The following SNX29 variants were observed in gnomAD, a reference collection of about 807,000 sequenced individuals.
SNX29 encodes sorting nexin 29.
In SNX29, 78 loss-of-function variants were observed where a neutral mutation model predicts 102.1. The observed-to-expected ratio is 0.76, with a 90% CI of 0.64 to 0.92. The LOEUF (loss-of-function observed/expected upper bound fraction) is 0.92, where lower values mean the gene tolerates loss of function less well. Among genes scored for constraint, SNX29 ranks in the 40% least tolerant of loss-of-function variants. The pLI is 0.00. For missense variants in SNX29, 1,280 were observed against 1,061.7 expected (o/e 1.21, Z -2.86); for synonymous variants, 580 against 414.5 (o/e 1.40, Z -4.85).
chr16:12,401,939 C>G lies in SNX29; in HGVS notation c.1956-1509C>G, dbSNP rs118159540. 1.5e-3 allele frequency among the ~76,000 whole-genome samples: 229 copies of G among 152,294 alleles called. 10 individuals carry two copies. In the East Asian group the frequency reaches 0.039, roughly 26 times the overall value. On this transcript the variant is annotated intron_variant, in intron 17 of 20. Transcript: ENST00000566228. ...ACCATTTAACCCAGGCTGGGGTAACCTCGCTCTAACCCTGGGAGGTTGTCC... is the reference window on the plus strand; with the variant it reads ...ACCATTTAACCCAGGCTGGGGTAACGTCGCTCTAACCCTGGGAGGTTGTCC...
intron 13 of SNX29, among the ~76,000 whole-genome samples, chr16:12,155,693 G>C (rs2055518041): frequency 6.6e-6 from 1 of 152,166 alleles, no homozygotes; most frequent in African/African-American, 2.4e-5. Context: ...AAATGAAAGG[G>C]GTAGATGCAG....
intron 16 of SNX29, among the ~76,000 whole-genome samples, chr16:12,390,970 G>A (rs971230762): frequency 5.3e-5 from 8 of 152,136 alleles, no homozygotes; most frequent in African/African-American, 1.7e-4. Context: ...TTTCGAGATG[G>A]GGTCTCACTC....
At chr16:12,368,379 A>G (rs1293266553) in intron 16 of SNX29, among the ~76,000 whole-genome samples, 5 of 152,252 alleles carry the variant, frequency 3.3e-5, no homozygotes, top group Non-Finnish European at 7.3e-5. Flanking sequence ...ATCAAGATTT[A>G]GAAACTTGGT....
intron 18 of SNX29, among the ~76,000 whole-genome samples, chr16:12,408,386 G>C (rs1001746452): frequency 6.6e-6 from 1 of 152,236 alleles, no homozygotes; most frequent in Non-Finnish European, 1.5e-5. Context: ...CCACATCCAA[G>C]AGCCAGGCTG....
chr16:12,054,991 C>T (rs1359429874), intron 8 of SNX29, among the ~76,000 whole-genome samples: 1 of 152,154 alleles, frequency 6.6e-6, no homozygotes, highest in Non-Finnish European at 1.5e-5. Context: ...GGCAGCTTTT[C>T]AGCAGCCTTG....
At chr16:12,447,330 G>T (rs1318577918) in intron 18 of SNX29, among the ~76,000 whole-genome samples, 1 of 152,108 alleles carries the variant, frequency 6.6e-6, no homozygotes, top group Non-Finnish European at 1.5e-5. Flanking sequence ...TTTTTCTGCA[G>T]ATGGACAAAA....
At chr16:12,487,789 T>C (rs3803617) in intron 19 of SNX29, among the ~76,000 whole-genome samples, 26,832 of 152,192 alleles carry the variant, frequency 0.18, 3,134 homozygotes, top group African/African-American at 0.32. Flanking sequence ...AAAGCAGCTC[T>C]GAGTGAATGA....
intron 18 of SNX29, among the ~76,000 whole-genome samples, chr16:12,446,020 G>A (rs1316232599): frequency 6.6e-6 from 1 of 150,944 alleles, no homozygotes; most frequent in Admixed American, 6.6e-5. Context: ...GCTCCTGGAC[G>A]TGCAGTTGAA....
At chr16:12,244,519 G>C (rs2078204986) in intron 14 of SNX29, among the ~76,000 whole-genome samples, 1 of 152,020 alleles carries the variant, frequency 6.6e-6, no homozygotes, top group Admixed American at 6.6e-5. Flanking sequence ...TGTGGCAGGA[G>C]AATTGCTTGA....
chr16:12,279,802 G>A (rs1370833940), intron 15 of SNX29, among the ~76,000 whole-genome samples: 1 of 152,224 alleles, frequency 6.6e-6, no homozygotes, highest in African/African-American at 2.4e-5. Context: ...TTTACTGAAT[G>A]AATGAATGAA....
Position 12,390,451 on chromosome 16 carries a change from G to T in SNX29, c.1900-7995G>T, listed in dbSNP as rs898429527. ...AATGAATTGTGCTGACTGCTGTGTG[G>T]AGACTGTCTCTCCTGGTGGATTGTA... On this transcript the variant is annotated intron_variant, in intron 16 of 20. Coordinates refer to ENST00000566228, the MANE Select transcript of SNX29 (RefSeq NM_032167.5). Among the ~76,000 whole-genome samples, 3 of 152,252 alleles carry T rather than the reference G, an allele frequency of 2.0e-5. No individual in the cohort carries two copies. The South Asian group carries it at 6.2e-4, about 32-fold the overall frequency.
At chr16:12,203,289 A>G (rs1013391670) in intron 14 of SNX29, among the ~76,000 whole-genome samples, 3 of 151,258 alleles carry the variant, frequency 2.0e-5, no homozygotes, top group African/African-American at 7.3e-5. Flanking sequence ...CCCCACTCTC[A>G]GGTGGACTGG....
At chr16:12,285,515 A>C (rs1395537338) in intron 15 of SNX29, among the ~76,000 whole-genome samples, 1 of 152,222 alleles carries the variant, frequency 6.6e-6, no homozygotes, top group Non-Finnish European at 1.5e-5. Context: ...GTCGCTATTA[A>C]TGGAAAAGTA....
rs184754579 is a variant in SNX29 at position 12,520,005 on chromosome 16, A to T, written c.2179-4697A>T. Among the ~76,000 whole-genome samples, 381 of 151,756 alleles carry T rather than the reference A, an allele frequency of 2.5e-3. 2 individuals carry two copies. The highest frequency in any genetic ancestry group is 3.7e-3 in the Admixed American group (56 of 15,266). The stretch of plus-strand genomic sequence containing the variant: ...TCCCGCCTGCAAAAAATAAAAATAA[A>T]AATAATAATAATAATAATAAAAAAG... On this transcript the variant is annotated intron_variant, in intron 19 of 20. Transcript: ENST00000566228.
At chr16:12,177,803 C>T (rs537703938) in intron 13 of SNX29, among the ~76,000 whole-genome samples, 128 of 152,288 alleles carry the variant, frequency 8.4e-4, no homozygotes, top group African/African-American at 3.0e-3. Flanking sequence ...TTGCCAAATG[C>T]CTGCTGTGGG....
intron 20 of SNX29, among the ~76,000 whole-genome samples, chr16:12,541,250 C>G (rs1221374867): frequency 6.6e-6 from 1 of 152,142 alleles, no homozygotes; most frequent in Admixed American, 6.5e-5. Flanking sequence ...TGTATCATAT[C>G]TTATCAGGGA....
At chr16:12,385,536 G>A (rs1309223242) in intron 16 of SNX29, among the ~76,000 whole-genome samples, 1 of 152,164 alleles carries the variant, frequency 6.6e-6, no homozygotes, top group East Asian at 1.9e-4. Flanking sequence ...GCCCTCACCC[G>A]GACTGTGTCC....
chr16:12,492,433 C>T (rs1481498485), intron 19 of SNX29, among the ~76,000 whole-genome samples: 1 of 152,102 alleles, frequency 6.6e-6, no homozygotes, highest in East Asian at 1.9e-4. Flanking sequence ...GATATTAGCC[C>T]TTTGTCAGAT....
At chr16:12,396,752 A>G (rs1488112543) in intron 16 of SNX29, among the ~76,000 whole-genome samples, 2 of 152,194 alleles carry the variant, frequency 1.3e-5, no homozygotes, top group East Asian at 1.9e-4. Flanking sequence ...AGTGAAATGC[A>G]TGGAGTGGGA....
Sources: gnomAD v4.1 joint callset for allele counts (sites outside exome capture counted in the v4.1 genomes callset) on GRCh38, gnomAD v4.1.1 for gene constraint, MANE v1.5 for transcripts, NCBI Gene and HGNC (gene_info 2026-07-23, HGNC 2026-07-21) for gene names.